Variants in RNU12 observed in about 807,000 individuals in gnomAD.
RNU12 encodes the protein RNA, U12 small nuclear, also known as RNA, U12 small nuclear 1.
At chr22:42,615,356 C>T (rs983003682) in exon 1 of RNU12, 4 of 157,872 alleles carry the variant, frequency 2.5e-5, no homozygotes, top group South Asian at 1.4e-4. Flanking sequence ...AGGTGACCCG[C>T]CTACTTTGCG....
At chr22:42,615,319 T>TA (rs1390024564) in exon 1 of RNU12, 2 of 173,630 alleles carry the variant, frequency 1.2e-5, no homozygotes, top group Non-Finnish European at 2.5e-5. Context: ...GTGAGACGAA[T>TA]TTTTGAGCGG....
chr22:42,615,264 AG>A (rs1211905208), exon 1 of RNU12: 1 of 209,838 alleles, frequency 4.8e-6, no homozygotes, highest in Non-Finnish European at 9.8e-6. Flanking sequence ...CTTATGAGTA[AG>A]GAAAATAACG....
exon 1 of RNU12, chr22:42,615,368 G>GT (rs1431719279): frequency 1.9e-5 from 3 of 156,934 alleles, no homozygotes; most frequent in Admixed American, 6.5e-5. Flanking sequence ...TACTTTGCGG[G>GT]ATGCCTGGGA....
At chr22:42,615,246 G>T (rs754377739) in exon 1 of RNU12, 18 of 231,712 alleles carry the variant, frequency 7.8e-5, no homozygotes, top group East Asian at 4.4e-4. Context: ...ACGTCCTTAT[G>T]CCTTAAACTT....
chr22:42,615,289 C>CA (rs2146848174), exon 1 of RNU12: 1 of 206,248 alleles, frequency 4.8e-6, no homozygotes, highest in South Asian at 5.4e-5. Context: ...CGGGGTGACG[C>CA]CCGAATCCTC....
At chr22:42,615,357 C>T (rs761976485) in exon 1 of RNU12, 20 of 157,824 alleles carry the variant, frequency 1.3e-4, no homozygotes, top group South Asian at 4.3e-4. Context: ...GGTGACCCGC[C>T]TACTTTGCGG....
At chr22:42,615,244 A>G (rs563736354) in exon 1 of RNU12, 16 of 242,312 alleles carry the variant, frequency 6.6e-5, no homozygotes, top group East Asian at 2.9e-4. Context: ...AAACGTCCTT[A>G]TGCCTTAAAC....
chr22:42,615,272 A>G, exon 1 of RNU12: 1 of 206,796 alleles, frequency 4.8e-6, no homozygotes, highest in Non-Finnish European at 1.0e-5. Context: ...TAAGGAAAAT[A>G]ACGATTCGGG....
chr22:42,615,372 C>T (rs182027793), exon 1 of RNU12: 70 of 156,978 alleles, frequency 4.5e-4, no homozygotes, highest in East Asian at 7.7e-4. Flanking sequence ...TTGCGGGATG[C>T]CTGGGAGTTG....
In RNU12 at chr22:42,615,360, C is replaced by G. The variant is rs1041680239; in HGVS notation, n.117C>G. The stretch of plus-strand genomic sequence containing the variant: ...GGTCGCCCTCAAGGTGACCCGCCTA[C>G]TTTGCGGGATGCCTGGGAGTTGCGA... On this transcript the variant is annotated non_coding_transcript_exon_variant, in exon 1 of 1. Transcript: ENST00000362512. 1.9e-5 allele frequency: 3 copies of G among 157,628 alleles called. No individual in the cohort carries two copies. The South Asian group carries it at 4.3e-4, about 23-fold the overall frequency. The allele number at this position is 157,628 out of a possible 1,614,324, so 9.8% of individuals were successfully genotyped here. A position where few individuals can be genotyped will look rare whatever the true frequency, so the allele number is the denominator to read the frequency against.
exon 1 of RNU12, chr22:42,615,298 T>G (rs1487875590): frequency 4.9e-6 from 1 of 204,532 alleles, no homozygotes; most frequent in African/African-American, 2.4e-5. Context: ...GCCCGAATCC[T>G]CACTGCTAAT....
At position 42,615,326 on chromosome 22, in the gene RNU12, G is replaced by C. The variant is rs369095776; in HGVS notation, n.83G>C. 9 of 173,442 alleles carry C rather than the reference G, an allele frequency of 5.2e-5. No individual in the cohort carries two copies. In the South Asian group the frequency reaches 7.2e-4, roughly 14 times the overall value. 10.7% of individuals were successfully genotyped at this position (173,442 alleles called of 1,614,324 possible). A position where few individuals can be genotyped will look rare whatever the true frequency, so the allele number is the denominator to read the frequency against. Reference sequence around the variant, plus strand: ...CTGCTAATGTGAGACGAATTTTTGAGCGGGTAAAGGTCGCCCTCAAGGTGA... The same window carrying C: ...CTGCTAATGTGAGACGAATTTTTGACCGGGTAAAGGTCGCCCTCAAGGTGA... On this transcript the variant is annotated non_coding_transcript_exon_variant, in exon 1 of 1. Coordinates refer to ENST00000362512, the Ensembl canonical transcript of RNU12.
chr22:42,615,328 G>A (rs368097733), exon 1 of RNU12: 46 of 171,532 alleles, frequency 2.7e-4, no homozygotes, highest in South Asian at 5.7e-4. Context: ...ATTTTTGAGC[G>A]GGTAAAGGTC....
chr22:42,615,330 G>A (rs568404675), exon 1 of RNU12: 4 of 171,428 alleles, frequency 2.3e-5, no homozygotes, highest in South Asian at 9.5e-5. Flanking sequence ...TTTTGAGCGG[G>A]TAAAGGTCGC....
chr22:42,615,370 T>TGCCTGGGAGTTGCGATCTGCATCCC (rs1927461602), exon 1 of RNU12: 1 of 157,068 alleles, frequency 6.4e-6, no homozygotes. Flanking sequence ...CTTTGCGGGA[T>TGCCTGGGAGTTGCGATCTGCATCCC]GCCTGGGAGT....
At chr22:42,615,282 G>C (rs574320142) in exon 1 of RNU12, 10 of 205,934 alleles carry the variant, frequency 4.9e-5, no homozygotes, top group Admixed American at 1.8e-4. Context: ...AACGATTCGG[G>C]GTGACGCCCG....
chr22:42,615,278 T>TA (rs1168022836), exon 1 of RNU12: 14 of 202,390 alleles, frequency 6.9e-5, no homozygotes, highest in South Asian at 5.6e-5. Context: ...AAATAACGAT[T>TA]CGGGGTGACG....
exon 1 of RNU12, chr22:42,615,376 G>A (rs565617029): frequency 5.1e-5 from 8 of 156,880 alleles, no homozygotes; most frequent in Admixed American, 3.2e-4. Flanking sequence ...GGGATGCCTG[G>A]GAGTTGCGAT....
At chr22:42,615,254 C>T (rs550952834) in exon 1 of RNU12, 27 of 222,722 alleles carry the variant, frequency 1.2e-4, no homozygotes, top group Non-Finnish European at 1.7e-4. Context: ...ATGCCTTAAA[C>T]TTATGAGTAA....
Sources: allele counts gnomAD v4.1 joint callset, GRCh38; gene constraint gnomAD v4.1.1; transcripts MANE v1.5; gene names NCBI Gene and HGNC (gene_info 2026-07-23, HGNC 2026-07-21).